The following MCM4 variants were observed in gnomAD, a reference collection of about 807,000 sequenced individuals.
The protein encoded by MCM4 is DNA replication licensing factor MCM4.
In MCM4, 60 loss-of-function variants were observed where a neutral mutation model predicts 88.7. The observed-to-expected ratio is 0.68, with a 90% confidence interval of 0.55 to 0.84. MCM4 has a LOEUF of 0.84. MCM4 is among the 40% of genes least tolerant of loss of function. The pLI, the probability that MCM4 is intolerant of heterozygous loss-of-function variation, is 0.00. For synonymous variants in MCM4, 465 were observed against 410.5 expected, an observed-to-expected ratio of 1.13 and a Z score of -1.61; for missense variants, 1,149 against 1,105.5, an observed-to-expected ratio of 1.04 and a Z score of -0.56.
At chr8:47,972,794 T>C in intron 13 of MCM4, 63 bp from the exon 14 acceptor site, 1 of 1,354,622 alleles carries the variant, frequency 7.4e-7, no homozygotes, top group Non-Finnish European at 1.0e-6. Flanking sequence ...CAACCTCAGG[T>C]GATCCACCTG....
rs1563835325 is a variant in MCM4 at position 47,972,852 on chromosome 8, C to T, written c.1929-5C>T. Reference sequence around the variant, plus strand: ...AAAAACAGTATTTTTACTTTGTTTTCTTAGGTTTGATTTGATCTTCCTCTT... The same window carrying T: ...AAAAACAGTATTTTTACTTTGTTTTTTTAGGTTTGATTTGATCTTCCTCTT... On this transcript the variant is annotated splice_polypyrimidine_tract_variant and splice_region_variant and intron_variant, in intron 13 of 16. Coordinates refer to ENST00000649973, the MANE Select transcript of MCM4 (RefSeq NM_182746.3). 1.2e-6 allele frequency: 2 copies of T among 1,613,338 alleles called. No individual in the cohort carries two copies. Among genetic ancestry groups the T allele is most frequent in the Non-Finnish European group, 1.7e-6 (2 of 1,179,412 alleles).
At chr8:47,968,189 T>C (rs936159378) in intron 10 of MCM4, among the ~76,000 whole-genome samples, 2 of 151,656 alleles carry the variant, frequency 1.3e-5, no homozygotes, top group Non-Finnish European at 2.9e-5. Flanking sequence ...GGTTCTTCAT[T>C]GATGGGCAAG....
At chr8:47,974,397 TCTC>T (rs2090982607) in intron 14 of MCM4, 1 of 276,374 alleles carries the variant, frequency 3.6e-6, no homozygotes, top group South Asian at 4.7e-5. Flanking sequence ...CTCACAGCCT[TCTC>T]CTCTCCCCAC....
rs562399372 is a variant in MCM4, at chr8:47,977,682, T to A, written c.*904T>A. 4.6e-5 allele frequency: 7 copies of A among 152,294 alleles called. No homozygotes were observed. In the South Asian group the frequency reaches 1.5e-3, roughly 32 times the overall value. 9.4% of individuals were successfully genotyped at this position (152,294 alleles called of 1,614,324 possible). A position where few individuals can be genotyped will look rare whatever the true frequency, so the allele number is the denominator to read the frequency against. ...CACGTTGCCCAGGCTGCAAGCGATATGCCTAGGCTCAAGCGATCTGCCCAC... is the reference window on the plus strand; with the variant it reads ...CACGTTGCCCAGGCTGCAAGCGATAAGCCTAGGCTCAAGCGATCTGCCCAC... On this transcript the variant is annotated 3_prime_UTR_variant, in exon 17 of 17. Coordinates refer to ENST00000649973, the MANE Select transcript of MCM4 (RefSeq NM_182746.3).
At chr8:47,974,083 C>G (rs1065129) in intron 14 of MCM4, 1 of 152,176 alleles carries the variant, frequency 6.6e-6, no homozygotes, top group Non-Finnish European at 1.5e-5. Flanking sequence ...GGTACATGAG[C>G]TGAAGTGCAT....
At chr8:47,961,828 A>T in intron 3 of MCM4, 148 bp downstream of exon 3, 5 of 1,122,712 alleles carry the variant, frequency 4.5e-6, no homozygotes, top group Non-Finnish European at 6.3e-6. Flanking sequence ...AGAGGAGCTG[A>T]ACGGAGTGCA....
intron 16 of MCM4, 33 bp downstream of exon 16, chr8:47,975,881 A>G: frequency 7.1e-7 from 1 of 1,417,038 alleles, no homozygotes; most frequent in Non-Finnish European, 9.3e-7. Flanking sequence ...TGTTTGATAG[A>G]GCTTTCTCTT....
At chr8:47,967,110 G>A (rs535493030) in intron 9 of MCM4, among the ~76,000 whole-genome samples, 4 of 152,286 alleles carry the variant, frequency 2.6e-5, no homozygotes, top group Admixed American at 6.5e-5. Context: ...GGCCTTCCTC[G>A]ACCCTGCTTT....
intron 7 of MCM4, among the ~76,000 whole-genome samples, chr8:47,963,458 CA>C (rs895258700): frequency 3.3e-5 from 5 of 150,346 alleles, no homozygotes; most frequent in African/African-American, 1.2e-4. Flanking sequence ...CTCAAACAAA[CA>C]AAAAAAAACT....
At chr8:47,961,066 G>A (rs2090819575) in intron 1 of MCM4, 52 bp downstream of exon 1, 12 of 1,431,356 alleles carry the variant, frequency 8.4e-6, no homozygotes, top group Admixed American at 2.5e-5. Flanking sequence ...GGGAACGTCC[G>A]CGCTGCGGAG....
intron 11 of MCM4, 76 bp from the exon 12 acceptor site, chr8:47,970,435 G>A (rs924356324): frequency 2.7e-6 from 4 of 1,490,708 alleles, no homozygotes; most frequent in Non-Finnish European, 2.7e-6. Flanking sequence ...AGAGAGAAAA[G>A]TACCTCTAAA....
At chr8:47,968,771 G>A (rs1217344260) in intron 10 of MCM4, among the ~76,000 whole-genome samples, 7 of 151,348 alleles carry the variant, frequency 4.6e-5, no homozygotes, top group Non-Finnish European at 8.8e-5. Context: ...AACGGGGAAA[G>A]GCCAGGCTTT....
chr8:47,971,707 T>A (rs2090954912), intron 13 of MCM4, among the ~76,000 whole-genome samples: 1 of 152,138 alleles, frequency 6.6e-6, no homozygotes, highest in African/African-American at 2.4e-5. Flanking sequence ...CTACTCTTAG[T>A]CCTAAAGCCA....
chr8:47,972,167 T>A (rs981504505), intron 13 of MCM4, among the ~76,000 whole-genome samples: 1 of 137,634 alleles, frequency 7.3e-6, no homozygotes. Flanking sequence ...CCTGGGGGAG[T>A]GGAGATTGCA....
At position 47,970,509 on chromosome 8, in the gene MCM4, A is replaced by T; in HGVS notation, c.1435-2A>T. ...TGTTTAGACATGTCTCTGATTATTT[A>T]GGGAATTTTGCTTCAGCTCTTTGGC... On this transcript the variant is annotated splice_acceptor_variant, in intron 11 of 16. Coordinates refer to ENST00000649973, the MANE Select transcript of MCM4 (RefSeq NM_182746.3). LOFTEE classifies it high-confidence loss of function. The T allele has an allele frequency of 1.3e-6, 2 of 1,593,536 alleles. No individual in the cohort carries two copies. The highest frequency in any genetic ancestry group is 1.7e-6 in the Non-Finnish European group (2 of 1,165,652).
chr8:47,972,251 A>C lies in MCM4; in HGVS notation c.1929-606A>C, dbSNP rs994323386. ...ACTCTGTCTCAAAAAAAAAAAAAAAAAAAAAACTTTCCATCGTCAAAATTA... is the reference window on the plus strand; with the variant it reads ...ACTCTGTCTCAAAAAAAAAAAAAAACAAAAAACTTTCCATCGTCAAAATTA... On this transcript the variant is annotated intron_variant, in intron 13 of 16. Coordinates refer to ENST00000649973, the MANE Select transcript of MCM4 (RefSeq NM_182746.3). Among the ~76,000 whole-genome samples the C allele has an allele frequency of 4.9e-4, 75 of 152,012 alleles. 1 individual carries two copies. The highest frequency in any genetic ancestry group is 1.4e-3 in the East Asian group (7 of 5,156).
Position 47,961,191 on chromosome 8 carries a change from G to C in MCM4, c.47G>C (p.Gly16Ala). The change falls in exon 2 of 17, where the codon GGA becomes GCA. Residue 16 changes from glycine (G) to alanine (A), a missense_variant. Gly to Ala is a moderately conservative substitution (Grantham distance 60). Transcript: ENST00000649973. ...CCGAGCCGCCGCGGCAGCCGGCGTG[G>C]AAGGGCCACCCCCGCCCAGACGCGT... ...STPSRRGSRRGRATPAQTPRS... is the reference protein window; with the variant it reads ...STPSRRGSRRARATPAQTPRS... The C allele has an allele frequency of 4.5e-6, 7 of 1,541,854 alleles. No individual in the cohort carries two copies. Among genetic ancestry groups the C allele is most frequent in the Non-Finnish European group, 6.1e-6 (7 of 1,153,598 alleles).
Position 47,967,418 on chromosome 8 carries a change from A to G in MCM4, c.1107A>G (p.Thr369=), listed in dbSNP as rs1212621179. 3.1e-6 allele frequency: 5 copies of G among 1,614,092 alleles called. No individual in the cohort carries two copies. Residue 369 remains threonine, a synonymous_variant, in exon 10 of 17, where the codon ACA becomes ACG. Coordinates refer to ENST00000649973, the MANE Select transcript of MCM4 (RefSeq NM_182746.3). ...TGCCTGCAGGGCAGACACCACACAC[A>G]GTTATCCTGTTTGCTCACAATGATC... The part of the protein sequence containing the change: ...EDMPAGQTPH[T]VILFAHNDLV...
chr8:47,967,872 C>T (rs553351794), intron 10 of MCM4, among the ~76,000 whole-genome samples: 1 of 152,238 alleles, frequency 6.6e-6, no homozygotes, highest in Admixed American at 6.5e-5. Flanking sequence ...TATTACTCAC[C>T]AATGCTGGAG....
Sources: gnomAD v4.1 joint callset for allele counts (sites outside exome capture counted in the v4.1 genomes callset) on GRCh38, gnomAD v4.1.1 for gene constraint, MANE v1.5 for transcripts, NCBI Gene and HGNC (gene_info 2026-07-23, HGNC 2026-07-21) for gene names.